The following OXR1 variants were observed in gnomAD, a reference collection of about 807,000 sequenced individuals.
OXR1 encodes the protein oxidation resistance 1.
In OXR1, 41 loss-of-function variants were observed where a neutral mutation model predicts 104.6. The ratio of observed to expected loss-of-function variants is 0.39; its 90% CI spans 0.31 to 0.51. OXR1 has a LOEUF of 0.51. Among genes scored for constraint, OXR1 ranks in the 20% least tolerant of loss-of-function variants. OXR1 has a pLI of 0.77. For synonymous variants in OXR1, 348 were observed against 348.4 expected (o/e 1.00, Z 0.01); for missense variants, 955 against 1,031.9 (o/e 0.93, Z 1.02).
chr8:106,420,389 C>G (rs1818856668), intron 2 of OXR1, among the ~76,000 whole-genome samples: 2 of 151,824 alleles, frequency 1.3e-5, no homozygotes, highest in East Asian at 1.9e-4. Flanking sequence ...TATATTTACT[C>G]TACTAGTAGT....
intron 3 of OXR1, among the ~76,000 whole-genome samples, chr8:106,658,990 TTTG>T (rs1286909193): frequency 6.6e-6 from 1 of 152,240 alleles, no homozygotes; most frequent in South Asian, 2.1e-4. Context: ...GATTTTTATT[TTTG>T]TTAATTGCTT....
intron 2 of OXR1, among the ~76,000 whole-genome samples, chr8:106,363,765 G>A (rs1393037416): frequency 6.6e-6 from 1 of 151,946 alleles, no homozygotes; most frequent in African/African-American, 2.4e-5. Context: ...TCTTTTATAC[G>A]ATTGTAAATA....
chr8:106,490,436 G>A (rs1481284884), intron 2 of OXR1, among the ~76,000 whole-genome samples: 5 of 152,158 alleles, frequency 3.3e-5, no homozygotes, highest in African/African-American at 1.2e-4. Context: ...TTGGCTCACT[G>A]CAACCTCCGT....
intron 2 of OXR1, among the ~76,000 whole-genome samples, chr8:106,399,828 T>C (rs1817928832): frequency 6.6e-6 from 1 of 152,168 alleles, no homozygotes; most frequent in African/African-American, 2.4e-5. Flanking sequence ...ACTCAGACAG[T>C]CTGATTCCAG....
At chr8:106,397,149 G>A (rs1047228666) in intron 2 of OXR1, among the ~76,000 whole-genome samples, 5 of 152,094 alleles carry the variant, frequency 3.3e-5, no homozygotes, top group African/African-American at 1.2e-4. Context: ...GAGTGGCAAG[G>A]AGATTTACTT....
intron 2 of OXR1, among the ~76,000 whole-genome samples, chr8:106,369,214 T>G (rs1483057507): frequency 6.6e-6 from 1 of 152,236 alleles, no homozygotes; most frequent in Non-Finnish European, 1.5e-5. Context: ...AAGTATCTTT[T>G]CATATTCTTT....
chr8:106,599,005 T>C (rs1268886297), intron 3 of OXR1, among the ~76,000 whole-genome samples: 1 of 152,226 alleles, frequency 6.6e-6, no homozygotes, highest in African/African-American at 2.4e-5. Context: ...GAAATTATTT[T>C]AAAAATTAGC....
At chr8:106,629,741 C>T (rs1371216417) in intron 3 of OXR1, among the ~76,000 whole-genome samples, 1 of 152,106 alleles carries the variant, frequency 6.6e-6, no homozygotes, top group Non-Finnish European at 1.5e-5. Context: ...GAATAAAACA[C>T]ATAAATATTC....
intron 3 of OXR1, among the ~76,000 whole-genome samples, chr8:106,622,872 C>G (rs527738478): frequency 6.6e-6 from 1 of 152,178 alleles, no homozygotes; most frequent in South Asian, 2.1e-4. Context: ...AGCCCTTGTA[C>G]CAAGAGCAGG....
chr8:106,512,042 A>C (rs1812566653), intron 2 of OXR1, among the ~76,000 whole-genome samples: 1 of 152,214 alleles, frequency 6.6e-6, no homozygotes, highest in Non-Finnish European at 1.5e-5. Context: ...TTTTCAAAGC[A>C]AACATTTATA....
intron 3 of OXR1, among the ~76,000 whole-genome samples, chr8:106,618,580 T>C (rs1256383320): frequency 6.6e-6 from 1 of 152,220 alleles, no homozygotes; most frequent in Non-Finnish European, 1.5e-5. Context: ...TAGCGATTTA[T>C]TTTTTATTCA....
At chr8:106,701,426 A>C (rs901301222) in intron 7 of OXR1, among the ~76,000 whole-genome samples, 2 of 152,142 alleles carry the variant, frequency 1.3e-5, no homozygotes, top group African/African-American at 4.8e-5. Context: ...TAATTTTTAT[A>C]TTCTTAAAGT....
intron 1 of OXR1, among the ~76,000 whole-genome samples, chr8:106,271,403 C>T (rs1811801614): frequency 6.6e-6 from 1 of 151,990 alleles, no homozygotes; most frequent in South Asian, 2.1e-4. Context: ...AGTGTAGGGT[C>T]TGAATGTGTG....
intron 2 of OXR1, among the ~76,000 whole-genome samples, chr8:106,398,913 C>A (rs1817893425): frequency 6.6e-6 from 1 of 152,030 alleles, no homozygotes; most frequent in Non-Finnish European, 1.5e-5. Context: ...TAAAAATAAT[C>A]CTTTCACATG....
At chr8:106,576,116 A>G (rs906703979) in intron 3 of OXR1, among the ~76,000 whole-genome samples, 10 of 152,070 alleles carry the variant, frequency 6.6e-5, no homozygotes, top group African/African-American at 2.4e-4. Flanking sequence ...ATTATTAAGA[A>G]GTCCTTATAT....
intron 3 of OXR1, among the ~76,000 whole-genome samples, chr8:106,635,664 C>T (rs901028305): frequency 2.0e-5 from 3 of 152,078 alleles, no homozygotes; most frequent in Non-Finnish European, 4.4e-5. Flanking sequence ...AGGCTGGTCT[C>T]GAACTCCTGA....
intron 2 of OXR1, among the ~76,000 whole-genome samples, chr8:106,449,645 A>G (rs1359081213): frequency 2.0e-5 from 3 of 152,158 alleles, no homozygotes; most frequent in African/African-American, 7.2e-5. Context: ...TTGGTAATAG[A>G]TTTCTTAAAA....
intron 3 of OXR1, among the ~76,000 whole-genome samples, chr8:106,636,636 G>GT (rs1378673407): frequency 6.6e-6 from 1 of 152,118 alleles, no homozygotes; most frequent in Non-Finnish European, 1.5e-5. Context: ...AATACAAATA[G>GT]TTTCTCCTAT....
At chr8:106,681,026 C>A (rs1321234797) in intron 4 of OXR1, among the ~76,000 whole-genome samples, 2 of 152,140 alleles carry the variant, frequency 1.3e-5, no homozygotes, top group African/African-American at 4.8e-5. Flanking sequence ...ACCTTAATTT[C>A]TTTCTTTACA....
Sources: allele counts gnomAD v4.1 joint callset (sites outside exome capture counted in the v4.1 genomes callset), GRCh38; gene constraint gnomAD v4.1.1; transcripts MANE v1.5; gene names NCBI Gene and HGNC (gene_info 2026-07-23, HGNC 2026-07-21).